F8: variants seen among roughly 807,000 people sequenced by gnomAD.
The protein encoded by F8 is coagulation factor VIII.
In F8, 12 loss-of-function variants were observed where a neutral mutation model predicts 140.6. The observed-to-expected ratio is 0.09, with a 90% CI of 0.05 to 0.14. F8 has a LOEUF of 0.14. Ranked by LOEUF, F8 falls within the 10% of genes least tolerant of loss-of-function variation. F8 has a pLI of 1.00. For synonymous variants in F8, 585 were observed against 614.6 expected (o/e 0.95, Z 0.71); for missense variants, 1,354 against 1,720.7 (o/e 0.79, Z 3.77).
chrX:154,860,051 T>TC (rs1467238245), intron 25 of F8, among the ~76,000 whole-genome samples: 1 of 111,345 alleles, frequency 9.0e-6, no homozygotes, highest in Non-Finnish European at 1.9e-5. Flanking sequence ...AACTATTCCT[T>TC]CCCCCATTAC....
At chrX:154,898,293 A>C (rs2072993202) in intron 21 of F8, among the ~76,000 whole-genome samples, 1 of 111,800 alleles carries the variant, frequency 8.9e-6, no homozygotes, top group African/African-American at 3.3e-5. Flanking sequence ...TTATTTTATA[A>C]AGTTACGAGA....
At chrX:155,008,834 T>C (rs1243778107) in intron 1 of F8, among the ~76,000 whole-genome samples, 1 of 108,839 alleles carries the variant, frequency 9.2e-6, no homozygotes, top group Admixed American at 9.7e-5. Context: ...TGGACAGCAC[T>C]TCATGAGTGC....
intron 13 of F8, among the ~76,000 whole-genome samples, chrX:154,935,004 A>G (rs2073215920): frequency 9.1e-6 from 1 of 109,748 alleles, no homozygotes; most frequent in Admixed American, 9.8e-5. Context: ...CTCTACAAAA[A>G]ATAAAAAAGT....
At chrX:154,896,332 G>C in intron 21 of F8, 100 bp from the exon 22 acceptor site, 1 of 903,138 alleles carries the variant, frequency 1.1e-6, no homozygotes, top group Non-Finnish European at 1.6e-6. Context: ...ATTGCTACAG[G>C]TGTGTCCATC....
At chrX:154,841,208 CTTTTTTTTTTT>C (rs1168917544) in intron 25 of F8, among the ~76,000 whole-genome samples, 2 of 48,695 alleles carry the variant, frequency 4.1e-5, no homozygotes, top group Admixed American at 2.3e-4. Flanking sequence ...TTGCTTTCTT[CTTTTTTTTTTT>C]TTTTTTTTTT....
chrX:154,983,254 A>T, intron 6 of F8, among the ~76,000 whole-genome samples: 1 of 111,880 alleles, frequency 8.9e-6, no homozygotes, highest in Non-Finnish European at 1.9e-5. Context: ...CTTTTTATTG[A>T]TGTAAAATAT....
chrX:154,888,408 C>CTTTTTTTTTTTTTTTTTT (rs1557274896), intron 22 of F8, among the ~76,000 whole-genome samples: 36 of 53,348 alleles, frequency 6.7e-4, no homozygotes, highest in Non-Finnish European at 9.1e-4. Context: ...TTTTTTTTTC[C>CTTTTTTTTTTTTTTTTTT]CCCCGAGATG....
chrX:154,867,957 C>A (rs1452286126), intron 22 of F8, among the ~76,000 whole-genome samples: 3 of 110,902 alleles, frequency 2.7e-5, no homozygotes, highest in Non-Finnish European at 5.7e-5. Flanking sequence ...TTATTTCGAT[C>A]AATACAGAAA....
chrX:155,003,960 CAA>C (rs869097926), intron 1 of F8, among the ~76,000 whole-genome samples: 377 of 33,158 alleles, frequency 0.011, 1 homozygote, highest in African/African-American at 0.044. Flanking sequence ...GATTCTGTCT[CAA>C]AAAAAAAAAA....
chrX:154,897,412 T>C (rs1365783808), intron 21 of F8: 1 of 112,410 alleles, frequency 8.9e-6, no homozygotes, highest in Non-Finnish European at 1.9e-5. Context: ...GGGAATAGAG[T>C]AGTAAACAAG....
chrX:154,982,248 C>T (rs1557283737), intron 6 of F8, among the ~76,000 whole-genome samples: 1 of 105,748 alleles, frequency 9.5e-6, no homozygotes. Context: ...GAGATCGAGA[C>T]CATCCTGGCT....
intron 22 of F8, chrX:154,881,930 T>G: frequency 7.0e-6 from 2 of 286,023 alleles, no homozygotes; most frequent in Non-Finnish European, 1.2e-5. Context: ...GATGGCATGT[T>G]CTTATATAGA....
intron 13 of F8, among the ~76,000 whole-genome samples, chrX:154,933,836 G>A (rs782772972): frequency 8.9e-6 from 1 of 112,452 alleles, no homozygotes; most frequent in East Asian, 2.8e-4. Flanking sequence ...AGACTGGAAA[G>A]GGCATACACA....
chrX:154,955,515 A>G (rs1309039137), intron 11 of F8, among the ~76,000 whole-genome samples: 5 of 108,787 alleles, frequency 4.6e-5, no homozygotes, highest in East Asian at 2.9e-4. Flanking sequence ...CTAGCCCCCA[A>G]TATTTCAACA....
At chrX:154,948,201 C>G (rs1462801191) in intron 12 of F8, among the ~76,000 whole-genome samples, 6 of 110,498 alleles carry the variant, frequency 5.4e-5, no homozygotes, top group African/African-American at 2.0e-4. Flanking sequence ...GAGGAGAAAC[C>G]AGAAAAAAAC....
chrX:154,938,835 TAGATGGA>T (rs1219780959), intron 13 of F8, among the ~76,000 whole-genome samples: 1 of 108,708 alleles, frequency 9.2e-6, no homozygotes, highest in Non-Finnish European at 1.9e-5. Context: ...AAAATGATCA[TAGATGGA>T]AGCAAGAAAT....
chrX:154,917,794 TG>T, intron 14 of F8, among the ~76,000 whole-genome samples: 1 of 111,820 alleles, frequency 8.9e-6, no homozygotes, highest in South Asian at 3.7e-4. Flanking sequence ...ATTATTATTT[TG>T]ATTTCTCTGT....
intron 22 of F8, among the ~76,000 whole-genome samples, chrX:154,868,024 A>C (rs1218830222): frequency 4.4e-5 from 5 of 112,452 alleles, no homozygotes; most frequent in African/African-American, 1.6e-4. Flanking sequence ...CAAGATAGAT[A>C]CAGAAGGAAC....
At chrX:155,011,941 C>A (rs2073707785) in intron 1 of F8, among the ~76,000 whole-genome samples, 1 of 112,162 alleles carries the variant, frequency 8.9e-6, no homozygotes, top group African/African-American at 3.2e-5. Context: ...CCAGAATAGG[C>A]AAAACCACAG....
Sources: gnomAD v4.1 joint callset for allele counts (sites outside exome capture counted in the v4.1 genomes callset) on GRCh38, gnomAD v4.1.1 for gene constraint, MANE v1.5 for transcripts, NCBI Gene and HGNC (gene_info 2026-07-23, HGNC 2026-07-21) for gene names.